Variants in TARBP1 observed in about 807,000 individuals in gnomAD.
TARBP1 encodes the protein tRNA (guanosine(18)-2'-O)-methyltransferase TARBP1.
In TARBP1, 144 loss-of-function variants were observed where a neutral mutation model predicts 178.6. That is an observed-to-expected ratio of 0.81 (90% CI 0.70 to 0.93). The LOEUF is 0.93. Among genes scored for constraint, TARBP1 ranks in the 40% least tolerant of loss-of-function variants. The probability of loss-of-function intolerance (pLI) is 0.00; values close to 1 mark genes in which losing one functional copy is unlikely to be tolerated. For synonymous variants in TARBP1, 787 were observed against 781.0 expected, an observed-to-expected ratio of 1.01 and a Z score of -0.13; for missense variants, 2,067 against 2,011.7, an observed-to-expected ratio of 1.03 and a Z score of -0.53.
intron 22 of TARBP1, among the ~76,000 whole-genome samples, chr1:234,414,962 C>T (rs964864375): frequency 1.3e-5 from 2 of 151,632 alleles, no homozygotes; most frequent in Admixed American, 6.6e-5. Context: ...CCAGTCTGGG[C>T]GACAGAGCGA....
Position 234,472,803 on chromosome 1 carries a change from G to C in TARBP1, c.940C>G (p.Leu314Val). ...TTTTTCCTCTCAGACCACCAAAACA[G>C]ACTTGGGCCTGATATGGTTTAAAAA... ...CGPQEGNGPS[L>V]FWWSERKKDE... The change falls in exon 2 of 30, where the codon CTG becomes GTG. Residue 314 changes from leucine (L) to valine (V), a missense_variant. Coordinates refer to ENST00000040877, the MANE Select transcript of TARBP1 (RefSeq NM_005646.4). 6.3e-7 allele frequency: 1 copy of C among 1,593,564 alleles called. No individual in the cohort carries two copies. Among genetic ancestry groups the C allele is most frequent in the Non-Finnish European group, 8.5e-7 (1 of 1,174,992 alleles).
rs111368937 is a variant in TARBP1, at chr1:234,448,456, CT to C, written c.1961+23del. 6.7e-4 allele frequency: 1,070 copies of C among 1,596,328 alleles called. 10 individuals are homozygous for C. The African/African-American group carries it at 0.013, about 19-fold the overall frequency. ...CATCAGGATTTTTCAAATAGGCTTT[CT>C]TTTCAATTACAGAAACAATTACCTA... is the stretch of plus-strand genomic sequence containing the variant. On this transcript the variant is annotated intron_variant, in intron 11 of 29. Transcript: ENST00000040877.
chr1:234,417,718 AC>A (rs1446919346), intron 22 of TARBP1, among the ~76,000 whole-genome samples: 8 of 152,150 alleles, frequency 5.3e-5, no homozygotes, highest in African/African-American at 1.7e-4. Context: ...ATCTCCCAAA[AC>A]CTTTTTTTCA....
In TARBP1 at chr1:234,476,782, T is replaced by C. The variant is rs148597981; in HGVS notation, c.931+1391A>G. ...AACTAAGATATACTATGTCAAGACA[T>C]AGGGGTAAATCCCCTAATATTCCGT... On this transcript the variant is annotated intron_variant, in intron 1 of 29. Coordinates refer to ENST00000040877, the MANE Select transcript of TARBP1 (RefSeq NM_005646.4). 2.8e-4 allele frequency among the ~76,000 whole-genome samples: 43 copies of C among 152,360 alleles called. No individual in the cohort carries two copies. In the East Asian group the frequency reaches 6.0e-3, roughly 21 times the overall value.
intron 7 of TARBP1, 120 bp downstream of exon 7, chr1:234,460,141 C>A (rs1667701779): frequency 8.8e-7 from 1 of 1,142,522 alleles, no homozygotes; most frequent in South Asian, 2.5e-5. Context: ...AGAGCCCAAA[C>A]ATCCCAATCC....
chr1:234,458,106 G>A (rs1422357043), intron 8 of TARBP1, among the ~76,000 whole-genome samples: 1 of 152,134 alleles, frequency 6.6e-6, no homozygotes, highest in Non-Finnish European at 1.5e-5. Flanking sequence ...CACATTGGGA[G>A]CCCGAGGTGG....
chr1:234,393,515 T>C, intron 27 of TARBP1, 29 bp from the exon 28 acceptor site: 3 of 1,571,588 alleles, frequency 1.9e-6, no homozygotes, highest in Non-Finnish European at 2.6e-6. Context: ...ATCATTAAGA[T>C]TGTTCCCAGC....
Position 234,472,711 on chromosome 1 carries a change from T to TA in TARBP1, c.1029+2dup. The TA allele has an allele frequency of 6.4e-7, 1 of 1,564,258 alleles. No homozygotes were observed. The highest frequency in any genetic ancestry group is 8.6e-7 in the Non-Finnish European group (1 of 1,156,680). ...GGATTTGCTAAAATAGAAAAACACT[T>TA]ACCTGATTTCCTTCTAAAGTCTCCA... On this transcript the variant is annotated splice_region_variant and intron_variant, in intron 2 of 29. Transcript: ENST00000040877.
At chr1:234,402,748 T>A (rs556065769) in intron 24 of TARBP1, among the ~76,000 whole-genome samples, 14 of 152,106 alleles carry the variant, frequency 9.2e-5, no homozygotes, top group East Asian at 3.9e-4. Flanking sequence ...CTAACTTTTT[T>A]TTATTATTAT....
At chr1:234,459,079 A>G (rs1667578078) in intron 8 of TARBP1, 151 bp downstream of exon 8, 1 of 595,900 alleles carries the variant, frequency 1.7e-6, no homozygotes, top group Admixed American at 3.2e-5. Flanking sequence ...TAGAGAGATC[A>G]TATGTATTAT....
At chr1:234,447,780 G>A (rs1666338330) in intron 11 of TARBP1, among the ~76,000 whole-genome samples, 2 of 146,926 alleles carry the variant, frequency 1.4e-5, no homozygotes. Context: ...ATAAATGAGT[G>A]TTTTATCTTT....
At chr1:234,436,773 G>A (rs897247355) in intron 13 of TARBP1, among the ~76,000 whole-genome samples, 2 of 152,100 alleles carry the variant, frequency 1.3e-5, no homozygotes, top group African/African-American at 4.8e-5. Flanking sequence ...TCTTTAAGGG[G>A]AAAAGCTTGT....
rs185384311 is a variant in TARBP1 at position 234,403,842 on chromosome 1, C to A, written c.3989+2061G>T. 1.3e-3 allele frequency among the ~76,000 whole-genome samples: 200 copies of A among 152,264 alleles called. 2 individuals carry two copies. Among genetic ancestry groups the A allele is most frequent in the Middle Eastern group, 6.8e-3 (2 of 294 alleles). On this transcript the variant is annotated intron_variant, in intron 24 of 29. Transcript: ENST00000040877. ...GAGATTACAGGCGCCTGCCACCACA[C>A]CCAGCTAATTTTTGTATTTTTAGTA...
At chr1:234,410,972 T>C (rs761510581) in intron 22 of TARBP1, among the ~76,000 whole-genome samples, 1 of 152,076 alleles carries the variant, frequency 6.6e-6, no homozygotes, top group Non-Finnish European at 1.5e-5. Flanking sequence ...CTGGGGAGGC[T>C]GAGGTAGAAG....
chr1:234,418,065 A>G lies in TARBP1; in HGVS notation c.3705+19T>C. 1 of 1,226,430 alleles carries G rather than the reference A, an allele frequency of 8.2e-7. No homozygotes were observed. Among genetic ancestry groups the G allele is most frequent in the Non-Finnish European group, 1.1e-6 (1 of 918,940 alleles). 76.0% of individuals were successfully genotyped at this position (1,226,430 alleles called of 1,614,324 possible). A position where few individuals can be genotyped will look rare whatever the true frequency, so the allele number is the denominator to read the frequency against. ...TCATGTCTTAGTTTAAAAATATATA[A>G]AAAATATTCTTTACTTACATAAGAA... On this transcript the variant is annotated intron_variant, in intron 22 of 29. Coordinates refer to ENST00000040877, the MANE Select transcript of TARBP1 (RefSeq NM_005646.4).
At chr1:234,447,121 T>A (rs769703732) in intron 11 of TARBP1, 146 bp from the exon 12 acceptor site, 224 of 833,332 alleles carry the variant, frequency 2.7e-4, no homozygotes, top group Admixed American at 1.2e-4. Flanking sequence ...CCAGCAGCTA[T>A]GAGGACTCAT....
rs761905583 is a variant in TARBP1 at position 234,478,280 on chromosome 1, T to C, written c.824A>G (p.Gln275Arg). ...FWRTVQAGLG[Q>R]ADALTRKRAR... ...TCGCTTGCGCGTCAGGGCGTCCGCC[T>C]GGCCCAGCCCCGCCTGCACCGTCCT... The change falls in exon 1 of 30, where the codon CAG (glutamine) becomes CGG (arginine). Residue 275 changes from glutamine to arginine, a missense_variant. Coordinates refer to ENST00000040877, the MANE Select transcript of TARBP1 (RefSeq NM_005646.4). The C allele has an allele frequency of 1.3e-6, 2 of 1,582,082 alleles. No homozygotes were observed. Among genetic ancestry groups the C allele is most frequent in the South Asian group, 1.1e-5 (1 of 89,204 alleles).
At chr1:234,398,201 C>A in intron 26 of TARBP1, 181 bp downstream of exon 26, 18 of 355,074 alleles carry the variant, frequency 5.1e-5, no homozygotes, top group South Asian at 8.1e-5. Flanking sequence ...CTAAGTTTCA[C>A]TAAAAGTGTT....
At position 234,434,057 on chromosome 1, in the gene TARBP1, G is replaced by T. The variant is rs548125576; in HGVS notation, c.2233-486C>A. On this transcript the variant is annotated intron_variant, in intron 13 of 29. Coordinates refer to ENST00000040877, the MANE Select transcript of TARBP1 (RefSeq NM_005646.4). ...TTGACTCATAAACCCAGAAAAAAATGGGTTCAGCTCTACCATGCACCAGCC... is the reference window on the plus strand; with the variant it reads ...TTGACTCATAAACCCAGAAAAAAATTGGTTCAGCTCTACCATGCACCAGCC... Among the ~76,000 whole-genome samples, 8 of 152,262 alleles carry T rather than the reference G, an allele frequency of 5.3e-5. No homozygotes were observed. In the South Asian group the frequency reaches 1.7e-3, roughly 31 times the overall value.
Sources: gnomAD v4.1 joint callset for allele counts (sites outside exome capture counted in the v4.1 genomes callset) on GRCh38, gnomAD v4.1.1 for gene constraint, MANE v1.5 for transcripts, NCBI Gene and HGNC (gene_info 2026-07-23, HGNC 2026-07-21) for gene names.